CTNNA3: variants seen among roughly 807,000 people sequenced by gnomAD.
CTNNA3 encodes catenin alpha-3.
Under a neutral mutation model 95.7 loss-of-function variants are expected in CTNNA3, and 76 were observed. The ratio of observed to expected loss-of-function variants is 0.79; its 90% CI spans 0.66 to 0.96. The LOEUF (loss-of-function observed/expected upper bound fraction) is 0.96. Among genes scored for constraint, CTNNA3 ranks in the 40% least tolerant of loss-of-function variants. The probability of loss-of-function intolerance (pLI) is 0.00; values close to 1 mark genes in which losing one functional copy is unlikely to be tolerated. For synonymous variants in CTNNA3, 431 were observed against 374.4 expected, an observed-to-expected ratio of 1.15 and a Z score of -1.74; for missense variants, 1,191 against 1,089.8, an observed-to-expected ratio of 1.09 and a Z score of -1.31.
At chr10:67,141,491 C>T (rs962436228) in intron 7 of CTNNA3, among the ~76,000 whole-genome samples, 1 of 152,120 alleles carries the variant, frequency 6.6e-6, no homozygotes, top group Non-Finnish European at 1.5e-5. Flanking sequence ...TACGGTAATA[C>T]CCGCATTATG....
At chr10:67,030,084 G>A (rs117576874) in intron 7 of CTNNA3, among the ~76,000 whole-genome samples, 8,311 of 152,214 alleles carry the variant, frequency 0.055, 325 homozygotes, top group South Asian at 0.18. Flanking sequence ...CATATAGAAG[G>A]TGTATTTTAA....
At chr10:66,030,945 T>G (rs900549348) in intron 15 of CTNNA3, among the ~76,000 whole-genome samples, 2 of 151,962 alleles carry the variant, frequency 1.3e-5, no homozygotes, top group African/African-American at 4.8e-5. Context: ...ATGAAAAAAA[T>G]GCTCAACATC....
At chr10:66,205,176 C>A (rs1324613323) in intron 13 of CTNNA3, among the ~76,000 whole-genome samples, 1 of 151,668 alleles carries the variant, frequency 6.6e-6, no homozygotes, top group Non-Finnish European at 1.5e-5. Flanking sequence ...ATTTCTTATT[C>A]CTTTATGTTT....
At position 66,497,470 on chromosome 10, in the gene CTNNA3, GA is replaced by G. The variant is rs373372171; in HGVS notation, c.1531+23146del. Among the ~76,000 whole-genome samples the G allele has an allele frequency of 7.6e-3, 1,158 of 151,794 alleles. 15 individuals are homozygous for G. Among genetic ancestry groups the G allele is most frequent in the African/African-American group, 0.027 (1,106 of 41,478 alleles). On this transcript the variant is annotated intron_variant, in intron 11 of 17. Coordinates refer to ENST00000433211, the MANE Select transcript of CTNNA3 (RefSeq NM_013266.4). ...TTCAGCATATTGAGATAAATATAAT[GA>G]AAAAGATAGGAAACAACAAATTAAA... is the stretch of plus-strand genomic sequence containing the variant.
intron 3 of CTNNA3, among the ~76,000 whole-genome samples, chr10:67,597,994 A>C (rs1435111742): frequency 6.6e-6 from 1 of 152,168 alleles, no homozygotes; most frequent in Non-Finnish European, 1.5e-5. Flanking sequence ...CTGAGGCTGT[A>C]CTGCAAGTGG....
In CTNNA3 at chr10:66,938,801, G is replaced by A. The variant is rs1003905550; in HGVS notation, c.1048-163277C>T. On this transcript the variant is annotated intron_variant, in intron 7 of 17. Transcript: ENST00000433211. ...TGAACATTTGGAGGGATATGTTAAA[G>A]GGAATAAGAGCTACAAAAAATTGAG... 1.2e-4 allele frequency among the ~76,000 whole-genome samples: 19 copies of A among 152,270 alleles called. 1 individual carries two copies. In the East Asian group the frequency reaches 3.7e-3, roughly 29 times the overall value.
intron 16 of CTNNA3, among the ~76,000 whole-genome samples, chr10:65,968,011 A>G (rs919388620): frequency 2.0e-5 from 3 of 152,210 alleles, no homozygotes; most frequent in African/African-American, 7.2e-5. Context: ...AGAGTTTCAA[A>G]GGATGTGGAA....
At chr10:66,175,739 A>T (rs912662011) in intron 13 of CTNNA3, among the ~76,000 whole-genome samples, 1 of 152,172 alleles carries the variant, frequency 6.6e-6, no homozygotes, top group Non-Finnish European at 1.5e-5. Flanking sequence ...TGGCCTTTAG[A>T]CTGATGCTAA....
intron 1 of CTNNA3, among the ~76,000 whole-genome samples, chr10:67,652,779 T>C (rs1199266146): frequency 3.9e-5 from 6 of 152,228 alleles, no homozygotes; most frequent in Non-Finnish European, 7.3e-5. Flanking sequence ...ATAGTTTAGA[T>C]GTATCATAAG....
intron 7 of CTNNA3, among the ~76,000 whole-genome samples, chr10:66,829,842 C>G (rs1399010707): frequency 2.4e-5 from 2 of 81,980 alleles, no homozygotes; most frequent in Non-Finnish European, 5.6e-5. Context: ...TTTTAACAAG[C>G]TCCCCAGGGG....
intron 5 of CTNNA3, among the ~76,000 whole-genome samples, chr10:67,338,835 G>A (rs946955693): frequency 1.3e-5 from 2 of 152,110 alleles, no homozygotes; most frequent in South Asian, 2.1e-4. Context: ...CAGTCTTTTC[G>A]ATGTCAACAT....
At chr10:67,312,515 G>C (rs542581474) in intron 5 of CTNNA3, among the ~76,000 whole-genome samples, 16 of 152,110 alleles carry the variant, frequency 1.1e-4, no homozygotes, top group Non-Finnish European at 2.2e-4. Context: ...AGGAAAATAA[G>C]CCAACAAAAA....
intron 3 of CTNNA3, among the ~76,000 whole-genome samples, chr10:67,542,516 TTTTC>T (rs1840712976): frequency 6.6e-6 from 1 of 152,074 alleles, no homozygotes; most frequent in Admixed American, 6.6e-5. Flanking sequence ...ATTATTCAAC[TTTTC>T]TTTGATAAAC....
At chr10:67,562,311 G>C (rs540328631) in intron 3 of CTNNA3, among the ~76,000 whole-genome samples, 16 of 152,152 alleles carry the variant, frequency 1.1e-4, no homozygotes, top group East Asian at 9.7e-4. Context: ...GGGCTTCATC[G>C]CTGGGATGCA....
At position 67,472,429 on chromosome 10, in the gene CTNNA3, A is replaced by C. The variant is rs77671290; in HGVS notation, c.579+49413T>G. On this transcript the variant is annotated intron_variant, in intron 5 of 17. Coordinates refer to ENST00000433211, the MANE Select transcript of CTNNA3 (RefSeq NM_013266.4). Reference sequence around the variant, plus strand: ...ACTGGCCAAAACCAGCTAGAACCAAAATGGCAATGAAAGCCATCTCCAGTT... The same window carrying C: ...ACTGGCCAAAACCAGCTAGAACCAACATGGCAATGAAAGCCATCTCCAGTT... Among the ~76,000 whole-genome samples, 639 of 152,268 alleles carry C rather than the reference A, an allele frequency of 4.2e-3. 11 individuals are homozygous for C. The highest frequency in any genetic ancestry group is 0.015 in the African/African-American group (605 of 41,548).
At chr10:66,123,786 T>A (rs2082696769) in intron 13 of CTNNA3, among the ~76,000 whole-genome samples, 1 of 152,178 alleles carries the variant, frequency 6.6e-6, no homozygotes, top group Non-Finnish European at 1.5e-5. Context: ...GCTTGCAACC[T>A]CTGAAGCCAT....
chr10:67,347,294 G>C (rs1479207872), intron 5 of CTNNA3, among the ~76,000 whole-genome samples: 2 of 151,934 alleles, frequency 1.3e-5, no homozygotes, highest in African/African-American at 4.8e-5. Flanking sequence ...GAACTCCTGA[G>C]CTCAAAGCCA....
At chr10:66,443,118 T>C (rs1008479625) in intron 11 of CTNNA3, among the ~76,000 whole-genome samples, 2 of 152,112 alleles carry the variant, frequency 1.3e-5, no homozygotes, top group African/African-American at 4.8e-5. Flanking sequence ...GAGGGGCGCC[T>C]GTCATTGCCC....
chr10:66,233,809 G>T (rs1163792836), intron 13 of CTNNA3, among the ~76,000 whole-genome samples: 1 of 152,110 alleles, frequency 6.6e-6, no homozygotes, highest in Non-Finnish European at 1.5e-5. Flanking sequence ...CTTCTCCCAG[G>T]TGGAATTGAA....
Sources: gnomAD v4.1 joint callset for allele counts (sites outside exome capture counted in the v4.1 genomes callset) on GRCh38, gnomAD v4.1.1 for gene constraint, MANE v1.5 for transcripts, NCBI Gene and HGNC (gene_info 2026-07-23, HGNC 2026-07-21) for gene names.